The following ADAMTS13 variants were observed in gnomAD, a reference collection of about 807,000 sequenced individuals.
ADAMTS13 encodes the protein A disintegrin and metalloproteinase with thrombospondin motifs 13.
In ADAMTS13, 110 loss-of-function variants were observed where a neutral mutation model predicts 155.1. That is an observed-to-expected ratio of 0.71 (90% CI 0.61 to 0.83). ADAMTS13 has a LOEUF of 0.83. Among genes scored for constraint, ADAMTS13 ranks in the 40% least tolerant of loss-of-function variants. The pLI, the probability that ADAMTS13 is intolerant of heterozygous loss-of-function variation, is 0.00. For synonymous variants in ADAMTS13, 758 were observed against 756.4 expected (o/e 1.00, Z -0.03); for missense variants, 1,707 against 1,891.7 (o/e 0.90, Z 1.81).
intron 6 of ADAMTS13, among the ~76,000 whole-genome samples, chr9:133,428,060 C>T (rs36219557): frequency 1.6e-3 from 250 of 152,294 alleles, no homozygotes; most frequent in African/African-American, 5.1e-3. Context: ...CCACCTCCTA[C>T]CTCACCGGTG....
At chr9:133,434,396 C>T (rs1391777189) in intron 11 of ADAMTS13, among the ~76,000 whole-genome samples, 2 of 152,156 alleles carry the variant, frequency 1.3e-5, no homozygotes, top group Non-Finnish European at 2.9e-5. Context: ...ACCTCTGCCT[C>T]CCAGGTTCAA....
Position 133,425,636 on chromosome 9 carries a change from C to G in ADAMTS13, c.414+24C>G. The G allele has an allele frequency of 6.2e-7, 1 of 1,609,562 alleles. No individual in the cohort carries two copies. ...AGGTAGGCATGGAGCTGGAACTCAG[C>G]ACACCATACAGAGCGGGAAGCCCAA... is the stretch of plus-strand genomic sequence containing the variant. On this transcript the variant is annotated intron_variant, in intron 4 of 28. Transcript: ENST00000355699. This position sits in a 1 kb window ranked among gnomAD's most constrained non-coding sequence, Gnocchi z 4.6.
intron 22 of ADAMTS13, 93 bp downstream of exon 22, chr9:133,448,821 G>C: frequency 6.5e-7 from 1 of 1,527,654 alleles, no homozygotes; most frequent in East Asian, 2.4e-5. Flanking sequence ...GCGGAGGGGG[G>C]CAGGTGCTGC....
At chr9:133,414,471 C>T (rs1013075201) in exon 1 of ADAMTS13, 7 of 707,142 alleles carry the variant, frequency 9.9e-6, no homozygotes, top group East Asian at 2.7e-5. Flanking sequence ...GCTCAACGCT[C>T]GGAAGAAGCA....
intron 23 of ADAMTS13, among the ~76,000 whole-genome samples, chr9:133,452,158 G>A (rs1842473181): frequency 6.6e-6 from 1 of 151,304 alleles, no homozygotes; most frequent in Non-Finnish European, 1.5e-5. Flanking sequence ...TGTCACCCAG[G>A]GTGGGGTGCA....
At chr9:133,430,955 C>G (rs1554787238) in intron 8 of ADAMTS13, among the ~76,000 whole-genome samples, 1 of 146,722 alleles carries the variant, frequency 6.8e-6, no homozygotes, top group African/African-American at 2.4e-5. Context: ...CCACAGCGCC[C>G]CGCCAAGTCT....
chr9:133,417,718 G>A (rs781960842), upstream of ADAMTS13: 3 of 1,614,110 alleles, frequency 1.9e-6, no homozygotes, highest in African/African-American at 1.3e-5. Flanking sequence ...CTTACTTCCC[G>A]CGCCTTGCTT....
At chr9:133,414,672 G>A in intron 1 of ADAMTS13, 1 of 1,613,752 alleles carries the variant, frequency 6.2e-7, no homozygotes, top group Non-Finnish European at 8.5e-7. Flanking sequence ...TACTCGGTGG[G>A]TGGGGCTGGG....
intron 23 of ADAMTS13, among the ~76,000 whole-genome samples, chr9:133,453,070 G>A (rs587669202): frequency 2.6e-5 from 4 of 152,206 alleles, no homozygotes; most frequent in African/African-American, 7.2e-5. Flanking sequence ...GGGAGGCTGA[G>A]GCGGGAGGAT....
Position 133,422,413 on chromosome 9 carries a change from C to A in ADAMTS13, c.-31C>A. The A allele has an allele frequency of 6.2e-7, 1 of 1,601,246 alleles. No homozygotes were observed. Among genetic ancestry groups the A allele is most frequent in the Non-Finnish European group, 8.5e-7 (1 of 1,171,022 alleles). The stretch of plus-strand genomic sequence containing the variant: ...CAGTCACCAAGGCCCCCTCTCACTC[C>A]GCTCCACTCCTCGGGCTGGCTCTCC... On this transcript the variant is annotated 5_prime_UTR_variant, in exon 1 of 29. Coordinates refer to ENST00000355699, the MANE Select transcript of ADAMTS13 (RefSeq NM_139027.6).
At chr9:133,423,191 C>G in intron 2 of ADAMTS13, 24 bp downstream of exon 2, 1 of 1,609,646 alleles carries the variant, frequency 6.2e-7, no homozygotes. Flanking sequence ...TGTCTTCTCT[C>G]CCGGGGGGAG....
chr9:133,455,104 T>C (rs1842662327), intron 24 of ADAMTS13, among the ~76,000 whole-genome samples, 181 bp from the exon 25 acceptor site: 1 of 152,158 alleles, frequency 6.6e-6, no homozygotes, highest in South Asian at 2.1e-4. Flanking sequence ...TCCTCCCACC[T>C]ATATGACCCA....
At chr9:133,432,299 T>C (rs1022586958) in intron 8 of ADAMTS13, among the ~76,000 whole-genome samples, 2 of 152,086 alleles carry the variant, frequency 1.3e-5, no homozygotes, top group African/African-American at 4.8e-5. Context: ...ATTAAAACAT[T>C]TGCCTCTTGA....
In ADAMTS13 at chr9:133,456,364, C is replaced by A; in HGVS notation, c.3547+149C>A. On this transcript the variant is annotated intron_variant, in intron 26 of 28. Transcript: ENST00000355699. This position sits in a 1 kb window ranked among gnomAD's most constrained non-coding sequence, Gnocchi z 4.4. Reference sequence around the variant, plus strand: ...CTCATGACTGGGGAGTGATGATCTGCATTTTACAGATGAGGAAACTGAGGC... The same window carrying A: ...CTCATGACTGGGGAGTGATGATCTGAATTTTACAGATGAGGAAACTGAGGC... 1 of 1,426,302 alleles carries A rather than the reference C, an allele frequency of 7.0e-7. No individual in the cohort carries two copies. Among genetic ancestry groups the A allele is most frequent in the African/African-American group, 1.4e-5 (1 of 70,918 alleles). 88.4% of individuals were successfully genotyped at this position (1,426,302 alleles called of 1,614,324 possible).
At chr9:133,433,305 C>T (rs1028829666) in intron 9 of ADAMTS13, 73 bp from the exon 10 acceptor site, 1 of 1,595,480 alleles carries the variant, frequency 6.3e-7, no homozygotes, top group Non-Finnish European at 8.5e-7. Flanking sequence ...TGTTGGGGGA[C>T]TCTCTGTGTG....
chr9:133,432,220 G>T (rs192382129), intron 8 of ADAMTS13, among the ~76,000 whole-genome samples: 4 of 152,110 alleles, frequency 2.6e-5, no homozygotes, highest in Non-Finnish European at 1.5e-5. Flanking sequence ...AGCCAAGATC[G>T]CGCCATTGCC....
intron 1 of ADAMTS13, among the ~76,000 whole-genome samples, chr9:133,416,372 A>C (rs1407841242): frequency 6.6e-6 from 1 of 152,202 alleles, no homozygotes; most frequent in Non-Finnish European, 1.5e-5. Context: ...TCTTTTTTAA[A>C]AAAACTACTT....
chr9:133,435,306 C>T (rs1182472979), intron 11 of ADAMTS13, among the ~76,000 whole-genome samples: 1 of 151,826 alleles, frequency 6.6e-6, no homozygotes, highest in East Asian at 1.9e-4. Flanking sequence ...CCTGCCTCAC[C>T]TTCCGGAGTA....
intron 14 of ADAMTS13, among the ~76,000 whole-genome samples, chr9:133,438,978 A>G (rs1437968747): frequency 6.6e-6 from 1 of 152,074 alleles, no homozygotes; most frequent in East Asian, 1.9e-4. Context: ...CTCCTGCTCA[A>G]GAAATCCCAC....
Sources: gnomAD v4.1 joint callset for allele counts (sites outside exome capture counted in the v4.1 genomes callset) on GRCh38, gnomAD v4.1.1 for gene constraint, Gnocchi (gnomAD v3.1) non-coding constraint, MANE v1.5 for transcripts, NCBI Gene and HGNC (gene_info 2026-07-23, HGNC 2026-07-21) for gene names.